SREBF2: variants seen among roughly 807,000 people sequenced by gnomAD.
The protein encoded by SREBF2 is sterol regulatory element binding transcription factor 2.
In SREBF2, 55 loss-of-function variants were observed where a neutral mutation model predicts 113.1. That is an observed-to-expected ratio of 0.49 (90% CI 0.39 to 0.61). The LOEUF is 0.61. Ranked by LOEUF, SREBF2 falls within the 20% of genes least tolerant of loss-of-function variation. The probability of loss-of-function intolerance (pLI) is 0.00; values close to 1 mark genes in which losing one functional copy is unlikely to be tolerated. For missense variants in SREBF2, 1,349 were observed against 1,487.4 expected, an observed-to-expected ratio of 0.91 and a Z score of 1.53; for synonymous variants, 593 against 605.7, an observed-to-expected ratio of 0.98 and a Z score of 0.31.
intron 1 of SREBF2, among the ~76,000 whole-genome samples, chr22:41,839,547 A>G (rs1337268239): frequency 6.6e-6 from 1 of 152,196 alleles, no homozygotes; most frequent in Non-Finnish European, 1.5e-5. Context: ...GAAAGGAAGC[A>G]GGGGTGAGTG....
In SREBF2 at chr22:41,889,701, TAA is replaced by T. The variant is rs67272666; in HGVS notation, c.2209-3402_2209-3401del. On this transcript the variant is annotated intron_variant, in intron 11 of 18. Coordinates refer to ENST00000361204, the MANE Select transcript of SREBF2 (RefSeq NM_004599.4). ...CAACATAGTGAGACCATGTCTCTAT[TAA>T]AAAAAAAAAAAAAGAGGTTGGGCAC... Among the ~76,000 whole-genome samples, 812 of 138,970 alleles carry T rather than the reference TAA, an allele frequency of 5.8e-3. 3 individuals carry two copies. Among genetic ancestry groups the T allele is most frequent in the Middle Eastern group, 0.029 (8 of 278 alleles). 91.2% of individuals were successfully genotyped at this position (138,970 alleles called of 152,430 possible). A position where few individuals can be genotyped will look rare whatever the true frequency, so the allele number is the denominator to read the frequency against.
intron 1 of SREBF2, among the ~76,000 whole-genome samples, chr22:41,862,257 G>T (rs1338260709): frequency 6.6e-6 from 1 of 152,188 alleles, no homozygotes; most frequent in Non-Finnish European, 1.5e-5. Context: ...GGGTCTCTTT[G>T]TGAGTCATGG....
intron 11 of SREBF2, among the ~76,000 whole-genome samples, chr22:41,887,241 A>G (rs996128033): frequency 1.3e-5 from 2 of 152,166 alleles, no homozygotes; most frequent in African/African-American, 2.4e-5. Context: ...AAAGATTACA[A>G]TATGCATGTC....
Position 41,859,996 on chromosome 22 carries a change from G to A in SREBF2, c.89-6835G>A, listed in dbSNP as rs905302360. Among the ~76,000 whole-genome samples the A allele has an allele frequency of 4.0e-5, 6 of 151,348 alleles. No homozygotes were observed. In the East Asian group the frequency reaches 1.2e-3, roughly 29 times the overall value. On this transcript the variant is annotated intron_variant, in intron 1 of 18. Coordinates refer to ENST00000361204, the MANE Select transcript of SREBF2 (RefSeq NM_004599.4). ...AATTTTTTATATTTTTAGTAGAGAC[G>A]GGGTTTCACCGTGTTAGCCAGGATG... is the stretch of plus-strand genomic sequence containing the variant.
chr22:41,891,154 A>T (rs2077357725), intron 11 of SREBF2: 1 of 151,974 alleles, frequency 6.6e-6, no homozygotes, highest in South Asian at 2.1e-4. Flanking sequence ...CAACCGTTCA[A>T]ATGTTCTGGG....
intron 12 of SREBF2, 63 bp downstream of exon 12, chr22:41,893,348 G>A (rs916009853): frequency 1.9e-6 from 3 of 1,562,458 alleles, no homozygotes; most frequent in African/African-American, 2.7e-5. Flanking sequence ...GTACTACAGA[G>A]TCACTGCACC....
At chr22:41,873,120 C>T (rs1414714230) in intron 4 of SREBF2, among the ~76,000 whole-genome samples, 1 of 152,068 alleles carries the variant, frequency 6.6e-6, no homozygotes, top group African/African-American at 2.4e-5. Flanking sequence ...TCACTTGAAG[C>T]TGGGAGGCAG....
chr22:41,880,675 A>C, intron 9 of SREBF2, 41 bp from the exon 10 acceptor site: 2 of 1,613,938 alleles, frequency 1.2e-6, no homozygotes, highest in Non-Finnish European at 1.7e-6. Flanking sequence ...AAAAAGCCGG[A>C]GCAAGGCCAG....
chr22:41,881,703 TAGTGTATCAGTAGGATTC>T (rs747887892), intron 10 of SREBF2, among the ~76,000 whole-genome samples: 3 of 152,152 alleles, frequency 2.0e-5, no homozygotes, highest in Non-Finnish European at 4.4e-5. Flanking sequence ...GAGGATCTTG[TAGTGTATCAGTAGGATTC>T]AGTGAAGAGC....
chr22:41,878,887 G>A, intron 9 of SREBF2: 1 of 485,866 alleles, frequency 2.1e-6, no homozygotes, highest in Non-Finnish European at 3.5e-6. Flanking sequence ...GATTTTGAGA[G>A]GCCTGTTCCT....
intron 10 of SREBF2, 151 bp downstream of exon 10, chr22:41,881,143 C>T: frequency 2.8e-6 from 3 of 1,072,986 alleles, no homozygotes; most frequent in Non-Finnish European, 4.0e-6. Context: ...CCTGTTTTCA[C>T]AGCTGTAAGG....
rs777845160 is a variant in SREBF2 at position 41,905,459 on chromosome 22, C to T, written c.3225C>T (p.Pro1075=). The change falls in exon 19 of 19, where the codon CCC becomes CCT. Residue 1075 remains proline (P), a synonymous_variant. Transcript: ENST00000361204. ...STKHGEVDAW[P]GQRERATAIL... Reference sequence around the variant, plus strand: ...CCACAGGAGAGGTGGATGCCTGGCCCGGCCAGCGAGAGCGGGCCACCGCCA... The same window carrying T: ...CCACAGGAGAGGTGGATGCCTGGCCTGGCCAGCGAGAGCGGGCCACCGCCA... 2.5e-5 allele frequency: 39 copies of T among 1,576,814 alleles called. No homozygotes were observed. The highest frequency in any genetic ancestry group is 7.3e-5 in the Admixed American group (4 of 55,048).
intron 1 of SREBF2, among the ~76,000 whole-genome samples, chr22:41,845,692 G>A (rs2076871356): frequency 6.6e-6 from 1 of 152,238 alleles, no homozygotes; most frequent in African/African-American, 2.4e-5. Context: ...CATTTGGGCT[G>A]AATTGTGAAG....
chr22:41,861,072 G>A (rs1051759181), intron 1 of SREBF2, among the ~76,000 whole-genome samples: 1 of 152,232 alleles, frequency 6.6e-6, no homozygotes, highest in African/African-American at 2.4e-5. Flanking sequence ...AGGGAACAGG[G>A]TGCAAAGTAG....
At chr22:41,877,118 TC>T in intron 7 of SREBF2, 110 bp from the exon 8 acceptor site, 1 of 1,135,826 alleles carries the variant, frequency 8.8e-7, no homozygotes, top group Non-Finnish European at 1.3e-6. Flanking sequence ...CCTGAGTTAA[TC>T]GACTTGAATT....
intron 1 of SREBF2, among the ~76,000 whole-genome samples, chr22:41,848,472 A>T (rs1041669491): frequency 6.6e-6 from 1 of 152,202 alleles, no homozygotes; most frequent in Non-Finnish European, 1.5e-5. Context: ...GATGACAAGA[A>T]TCTGATGTCT....
At chr22:41,899,667 A>G in intron 15 of SREBF2, 2 of 711,824 alleles carry the variant, frequency 2.8e-6, no homozygotes, top group Non-Finnish European at 3.5e-6. Flanking sequence ...CCAGCCCGGT[A>G]TAGCATTCCA....
Position 41,900,336 on chromosome 22 carries a change from C to G in SREBF2, c.2745C>G (p.Pro915=), listed in dbSNP as rs776029252. The G allele has an allele frequency of 6.2e-7, 1 of 1,613,070 alleles. No individual in the cohort carries two copies. Among genetic ancestry groups the G allele is most frequent in the Admixed American group, 1.7e-5 (1 of 60,010 alleles). ...IPKALEVTES[P]LVKAIFHACR... ...CTCCCTGTCACTGCTGCAGGAGCCCCCTGGTGAAGGCCATCTTCCATGCCT... is the reference window on the plus strand; with the variant it reads ...CTCCCTGTCACTGCTGCAGGAGCCCGCTGGTGAAGGCCATCTTCCATGCCT... Residue 915 remains proline, a synonymous_variant, in exon 16 of 19, where the codon CCC becomes CCG. Coordinates refer to ENST00000361204, the MANE Select transcript of SREBF2 (RefSeq NM_004599.4).
intron 1 of SREBF2, among the ~76,000 whole-genome samples, chr22:41,848,709 G>A (rs2076900796): frequency 6.6e-6 from 1 of 152,096 alleles, no homozygotes; most frequent in South Asian, 2.1e-4. Flanking sequence ...AAGGAGTAAG[G>A]CTCCTATCTC....
Sources: allele counts gnomAD v4.1 joint callset (sites outside exome capture counted in the v4.1 genomes callset), GRCh38; gene constraint gnomAD v4.1.1; transcripts MANE v1.5; gene names NCBI Gene and HGNC (gene_info 2026-07-23, HGNC 2026-07-21).